Variants in SGIP1 observed in about 807,000 individuals in gnomAD.
SGIP1 encodes SH3GL interacting endocytic adaptor 1.
Under a neutral mutation model 107.5 loss-of-function variants are expected in SGIP1, and 38 were observed. The observed-to-expected ratio is 0.35, with a 90% CI of 0.27 to 0.46. The LOEUF (loss-of-function observed/expected upper bound fraction) is 0.46, where lower values mean the gene tolerates loss of function less well. Among genes scored for constraint, SGIP1 ranks in the 20% least tolerant of loss-of-function variants. The pLI is 1.00. For missense variants in SGIP1, 929 were observed against 1,019.5 expected (o/e 0.91, Z 1.21); for synonymous variants, 365 against 366.1 (o/e 1.00, Z 0.03).
At chr1:66,567,936 A>C (rs892668318) in intron 1 of SGIP1, among the ~76,000 whole-genome samples, 1 of 151,966 alleles carries the variant, frequency 6.6e-6, no homozygotes, top group Non-Finnish European at 1.5e-5. Context: ...GTCAGGTAGC[A>C]TGATGCCTCC....
intron 11 of SGIP1, among the ~76,000 whole-genome samples, chr1:66,672,671 C>G (rs999997540): frequency 6.6e-6 from 1 of 152,148 alleles, no homozygotes; most frequent in African/African-American, 2.4e-5. Context: ...AATAATCAGT[C>G]TGGAGTAATA....
At position 66,744,979 on chromosome 1, in the gene SGIP1, A is replaced by G. The variant is rs1342278794; in HGVS notation, c.*1884A>G. ...AATCAATGGAGAGTAAGCAGCAGCA[A>G]ACTGAGAATTATCCAGCATATGAAT... is the stretch of plus-strand genomic sequence containing the variant. On this transcript the variant is annotated 3_prime_UTR_variant, in exon 25 of 25. Transcript: ENST00000371037. 1.3e-5 allele frequency: 2 copies of G among 152,508 alleles called. No individual in the cohort carries two copies. The allele number at this position is 152,508 out of a possible 1,614,324, so 9.4% of individuals were successfully genotyped here.
chr1:66,568,479 C>G (rs547662099), intron 1 of SGIP1, among the ~76,000 whole-genome samples: 20 of 152,038 alleles, frequency 1.3e-4, no homozygotes, highest in South Asian at 8.3e-4. Flanking sequence ...ATGTGAATAC[C>G]CTTTATTTCT....
chr1:66,630,322 C>T (rs938660257), intron 2 of SGIP1, among the ~76,000 whole-genome samples: 2 of 152,168 alleles, frequency 1.3e-5, no homozygotes, highest in Non-Finnish European at 2.9e-5. Flanking sequence ...AATCTCCGAG[C>T]TTTTGCCGCA....
rs763962733 is a variant in SGIP1, at chr1:66,749,586, C to T, written c.*6491C>T. Among the ~76,000 whole-genome samples the T allele has an allele frequency of 1.3e-5, 2 of 151,964 alleles. No homozygotes were observed. The highest frequency in any genetic ancestry group is 2.9e-5 in the Non-Finnish European group (2 of 67,928). ...TATAGAAAAGAATCAAACTGAATCA[C>T]TTTACATTTCTCTAAAGATAGTTCA... is the stretch of plus-strand genomic sequence containing the variant. On this transcript the variant is annotated 3_prime_UTR_variant, in exon 25 of 25. Coordinates refer to ENST00000371037, the MANE Select transcript of SGIP1 (RefSeq NM_032291.4).
intron 2 of SGIP1, among the ~76,000 whole-genome samples, chr1:66,628,139 G>A (rs375470691): frequency 2.6e-4 from 39 of 152,116 alleles, no homozygotes; most frequent in African/African-American, 9.4e-4. Context: ...TCTTAATCCA[G>A]TCTATCATTG....
chr1:66,648,589 G>T (rs989336242), intron 7 of SGIP1, among the ~76,000 whole-genome samples: 1 of 152,120 alleles, frequency 6.6e-6, no homozygotes, highest in African/African-American at 2.4e-5. Context: ...ACAACACTGC[G>T]TTTGAGAGAC....
intron 20 of SGIP1, among the ~76,000 whole-genome samples, chr1:66,729,744 T>C (rs2093922171): frequency 6.6e-6 from 1 of 152,204 alleles, no homozygotes; most frequent in Non-Finnish European, 1.5e-5. Flanking sequence ...TGGATGACAA[T>C]GGTGGGAAAT....
chr1:66,556,915 G>A (rs1426989328), intron 1 of SGIP1, among the ~76,000 whole-genome samples: 2 of 152,104 alleles, frequency 1.3e-5, no homozygotes, highest in East Asian at 1.9e-4. Flanking sequence ...ATGTCAGCCT[G>A]GTTGAATTAT....
intron 2 of SGIP1, among the ~76,000 whole-genome samples, chr1:66,631,040 A>AAAGG (rs1381734409): frequency 5.5e-5 from 6 of 109,272 alleles, no homozygotes; most frequent in South Asian, 3.6e-4. Flanking sequence ...AGGAAGGAAG[A>AAAGG]AAGGAAGAAA....
intron 1 of SGIP1, among the ~76,000 whole-genome samples, chr1:66,620,608 A>G (rs2070794136): frequency 6.6e-6 from 1 of 152,108 alleles, no homozygotes; most frequent in Non-Finnish European, 1.5e-5. Flanking sequence ...CTCTTGTGAG[A>G]ACTCTCTCAC....
intron 13 of SGIP1, among the ~76,000 whole-genome samples, chr1:66,677,448 T>A (rs1348691854): frequency 1.3e-5 from 2 of 152,062 alleles, no homozygotes; most frequent in Non-Finnish European, 1.5e-5. Context: ...AACACAGAGG[T>A]GAACAAGTCT....
intron 1 of SGIP1, among the ~76,000 whole-genome samples, chr1:66,573,292 G>T (rs951200136): frequency 6.6e-6 from 1 of 152,092 alleles, no homozygotes; most frequent in Non-Finnish European, 1.5e-5. Context: ...CAGAGAAAAA[G>T]AAATGCTTAT....
At chr1:66,671,134 C>T in intron 10 of SGIP1, 115 bp downstream of exon 10, 1 of 490,934 alleles carries the variant, frequency 2.0e-6, no homozygotes, top group South Asian at 6.7e-5. Flanking sequence ...ATTTTTAAGA[C>T]TTACAATTTT....
At chr1:66,689,525 C>A (rs1456530270) in intron 16 of SGIP1, among the ~76,000 whole-genome samples, 1 of 152,114 alleles carries the variant, frequency 6.6e-6, no homozygotes, top group African/African-American at 2.4e-5. Context: ...GGGTTAGATA[C>A]AAATGACGAT....
At chr1:66,625,742 A>T (rs868674693) in intron 1 of SGIP1, 105 bp from the exon 2 acceptor site, 1 of 952,698 alleles carries the variant, frequency 1.0e-6, no homozygotes, top group African/African-American at 1.6e-5. Context: ...CAGAAACTTC[A>T]TTGCTTTCTA....
chr1:66,675,499 TTC>T (rs1169759061), intron 12 of SGIP1, among the ~76,000 whole-genome samples: 35 of 151,724 alleles, frequency 2.3e-4, no homozygotes, highest in African/African-American at 7.8e-4. Context: ...TTCTTTTTCT[TTC>T]TGTCTTTCTT....
intron 7 of SGIP1, among the ~76,000 whole-genome samples, chr1:66,645,459 T>G (rs17129248): frequency 6.6e-6 from 1 of 152,248 alleles, no homozygotes; most frequent in Admixed American, 6.5e-5. Context: ...AAGATTCTGA[T>G]GAAAAAATGT....
intron 21 of SGIP1, among the ~76,000 whole-genome samples, chr1:66,737,820 G>T (rs569806512): frequency 1.4e-4 from 21 of 152,234 alleles, no homozygotes; most frequent in Middle Eastern, 3.4e-3. Context: ...TGTTTTTGTT[G>T]TTGTTTTTCA....
Sources: gnomAD v4.1 joint callset for allele counts (sites outside exome capture counted in the v4.1 genomes callset) on GRCh38, gnomAD v4.1.1 for gene constraint, MANE v1.5 for transcripts, NCBI Gene and HGNC (gene_info 2026-07-23, HGNC 2026-07-21) for gene names.